The following ZSCAN5A variants were observed in gnomAD, a reference collection of about 807,000 sequenced individuals.
ZSCAN5A encodes zinc finger and SCAN domain-containing protein 5A.
Under a neutral mutation model 23.7 loss-of-function variants are expected in ZSCAN5A, and 12 were observed. The ratio of observed to expected loss-of-function variants is 0.51; its 90% CI spans 0.32 to 0.82. ZSCAN5A has a LOEUF of 0.82. Ranked by LOEUF, ZSCAN5A falls within the 40% of genes least tolerant of loss-of-function variation. The pLI is 0.03. For missense variants in ZSCAN5A, 597 were observed against 617.9 expected (o/e 0.97, Z 0.36); for synonymous variants, 257 against 239.9 (o/e 1.07, Z -0.66).
rs572089763 is a variant in ZSCAN5A, at chr19:56,259,745, A to G, written c.-127-34572T>C. 4.6e-5 allele frequency among the ~76,000 whole-genome samples: 7 copies of G among 152,368 alleles called. No individual in the cohort carries two copies. The South Asian group carries it at 1.4e-3, about 32-fold the overall frequency. On this transcript the variant is annotated intron_variant, in intron 2 of 5. Coordinates refer to ENST00000683990, the MANE Select transcript of ZSCAN5A (RefSeq NM_001322064.3). ...TCCCAGCACTTTGGGAGGCCAAGGC[A>G]GGTGAACTGCTTGAGTTCAGGAGTT...
At chr19:56,276,920 A>T (rs1300096779) in intron 2 of ZSCAN5A, among the ~76,000 whole-genome samples, 1 of 151,966 alleles carries the variant, frequency 6.6e-6, no homozygotes, top group Non-Finnish European at 1.5e-5. Context: ...AATATTATAA[A>T]TATTTACAAA....
At chr19:56,341,702 CAAAAAAAA>C (rs1175628460) in intron 2 of ZSCAN5A, among the ~76,000 whole-genome samples, 16 of 53,782 alleles carry the variant, frequency 3.0e-4, no homozygotes, top group African/African-American at 8.7e-4. Flanking sequence ...TACCAAAAGG[CAAAAAAAA>C]AAAAAAAAAA....
chr19:56,246,382 C>A (rs1286265620), intron 2 of ZSCAN5A: 2 of 549,822 alleles, frequency 3.6e-6, no homozygotes, highest in Non-Finnish European at 3.3e-6. Flanking sequence ...GAGACCCAAG[C>A]CAACCTTGGA....
chr19:56,365,512 A>T (rs10403419), intron 1 of ZSCAN5A, among the ~76,000 whole-genome samples: 4,287 of 152,316 alleles, frequency 0.028, 159 homozygotes, highest in African/African-American at 0.088. Flanking sequence ...TACAAAAGTG[A>T]ACGTGTTTAA....
intron 2 of ZSCAN5A, among the ~76,000 whole-genome samples, chr19:56,255,328 A>G (rs975700325): frequency 7.2e-5 from 11 of 152,290 alleles, no homozygotes; most frequent in African/African-American, 2.2e-4. Flanking sequence ...GGCTGAGCGC[A>G]CAAGGTGGGG....
At chr19:56,336,337 T>G (rs2041535809) in intron 2 of ZSCAN5A, among the ~76,000 whole-genome samples, 1 of 152,246 alleles carries the variant, frequency 6.6e-6, no homozygotes. Flanking sequence ...ATTAATTTCA[T>G]CTTCCATTGC....
At position 56,302,576 on chromosome 19, in the gene ZSCAN5A, C is replaced by T. The variant is rs1379381975; in HGVS notation, c.-128+10707G>A. On this transcript the variant is annotated intron_variant, in intron 2 of 5. Coordinates refer to ENST00000683990, the MANE Select transcript of ZSCAN5A (RefSeq NM_001322064.3). Reference sequence around the variant, plus strand: ...CCCTCCCTCCCCCCTTCCTTTTCTTCCTCCCCCTTTTCTTCCTCTCCCTCT... The same window carrying T: ...CCCTCCCTCCCCCCTTCCTTTTCTTTCTCCCCCTTTTCTTCCTCTCCCTCT... 1.3e-4 allele frequency among the ~76,000 whole-genome samples: 12 copies of T among 91,330 alleles called. No individual in the cohort carries two copies. In the South Asian group the frequency reaches 3.2e-3, roughly 24 times the overall value. The allele number at this position is 91,330 out of a possible 152,430, so 59.9% of individuals were successfully genotyped here. A position where few individuals can be genotyped will look rare whatever the true frequency, so the allele number is the denominator to read the frequency against.
intron 2 of ZSCAN5A, among the ~76,000 whole-genome samples, chr19:56,353,373 T>C (rs954592220): frequency 1.3e-5 from 2 of 152,202 alleles, no homozygotes; most frequent in African/African-American, 4.8e-5. Context: ...ATTAAGACTA[T>C]TTGGTGCCAT....
intron 2 of ZSCAN5A, among the ~76,000 whole-genome samples, chr19:56,270,366 T>C (rs2037763228): frequency 6.6e-6 from 1 of 151,956 alleles, no homozygotes; most frequent in African/African-American, 2.4e-5. Flanking sequence ...TTGCAGTGAG[T>C]TGAAATCGTG....
chr19:56,262,900 C>G (rs1432772611), intron 2 of ZSCAN5A, among the ~76,000 whole-genome samples: 1 of 152,142 alleles, frequency 6.6e-6, no homozygotes, highest in African/African-American at 2.4e-5. Context: ...CAACGTTTAT[C>G]TATATGGGTA....
Position 56,297,341 on chromosome 19 carries a change from C to T in ZSCAN5A, c.-128+15942G>A, listed in dbSNP as rs1384192143. Among the ~76,000 whole-genome samples the T allele has an allele frequency of 2.0e-5, 3 of 152,000 alleles. No individual in the cohort carries two copies. The East Asian group carries it at 5.8e-4, about 29-fold the overall frequency. On this transcript the variant is annotated intron_variant, in intron 2 of 5. Coordinates refer to ENST00000683990, the MANE Select transcript of ZSCAN5A (RefSeq NM_001322064.3). ...CATAATTCACCTGATGGTTTCTTTT[C>T]TTTTCCTTTCTTTTCTCCTCCTCTT...
intron 2 of ZSCAN5A, chr19:56,343,143 G>C: frequency 4.1e-6 from 3 of 729,070 alleles, no homozygotes; most frequent in Non-Finnish European, 2.5e-6. Context: ...TGCCTAAAAT[G>C]GTCCTTTATT....
intron 2 of ZSCAN5A, among the ~76,000 whole-genome samples, chr19:56,230,509 C>T (rs1409487687): frequency 1.3e-5 from 2 of 152,056 alleles, no homozygotes; most frequent in African/African-American, 4.8e-5. Flanking sequence ...ATGTTCTTTC[C>T]TTCTTATTAG....
chr19:56,281,152 T>C (rs2038667254), intron 2 of ZSCAN5A, among the ~76,000 whole-genome samples: 2 of 152,168 alleles, frequency 1.3e-5, no homozygotes, highest in South Asian at 4.1e-4. Context: ...AGAGAAAATA[T>C]GTTTACTCTT....
intron 2 of ZSCAN5A, among the ~76,000 whole-genome samples, chr19:56,248,680 A>G (rs2036126714): frequency 1.3e-5 from 2 of 152,044 alleles, no homozygotes; most frequent in Admixed American, 1.3e-4. Context: ...CGATCCTTCC[A>G]CCTTGGCCTC....
intron 2 of ZSCAN5A, chr19:56,243,959 G>A: frequency 1.7e-6 from 1 of 593,044 alleles, no homozygotes; most frequent in Non-Finnish European, 3.0e-6. Flanking sequence ...AAAACCAAAG[G>A]AGGCCTGTCT....
At chr19:56,315,076 G>T (rs1463447795), upstream of ZSCAN5A, 1 of 152,158 alleles carries the variant, frequency 6.6e-6, no homozygotes, top group Non-Finnish European at 1.5e-5. Flanking sequence ...ACTAAAACGT[G>T]CTCTTGTCGC....
At chr19:56,360,791 T>C (rs1324073242) in intron 2 of ZSCAN5A, among the ~76,000 whole-genome samples, 1 of 152,208 alleles carries the variant, frequency 6.6e-6, no homozygotes, top group Admixed American at 6.5e-5. Context: ...AAAGATTTTA[T>C]GATGAAATCT....
At chr19:56,236,311 G>A (rs374153047) in intron 2 of ZSCAN5A, among the ~76,000 whole-genome samples, 13 of 33,244 alleles carry the variant, frequency 3.9e-4, no homozygotes, top group East Asian at 6.8e-4. Flanking sequence ...CTCCACTCCA[G>A]CCTCTGATGG....
Sources: gnomAD v4.1 joint callset for allele counts (sites outside exome capture counted in the v4.1 genomes callset) on GRCh38, gnomAD v4.1.1 for gene constraint, MANE v1.5 for transcripts, NCBI Gene and HGNC (gene_info 2026-07-23, HGNC 2026-07-21) for gene names.